CBFA2T2: variants seen among roughly 807,000 people sequenced by gnomAD.
CBFA2T2 encodes protein CBFA2T2.
Under a neutral mutation model 62.2 loss-of-function variants are expected in CBFA2T2, and 11 were observed. The ratio of observed to expected loss-of-function variants is 0.18; its 90% CI spans 0.11 to 0.29. CBFA2T2 has a LOEUF of 0.29. Ranked by LOEUF, CBFA2T2 falls within the 10% of genes least tolerant of loss-of-function variation. CBFA2T2 has a pLI of 1.00. For missense variants in CBFA2T2, 592 were observed against 774.1 expected (o/e 0.76, Z 2.79); for synonymous variants, 295 against 287.5 (o/e 1.03, Z -0.27).
intron 1 of CBFA2T2, among the ~76,000 whole-genome samples, chr20:33,499,956 ATTTATTT>A (rs1251930328): frequency 2.6e-5 from 4 of 152,010 alleles, no homozygotes; most frequent in African/African-American, 7.2e-5. Flanking sequence ...CCAAACACCC[ATTTATTT>A]TTTATTTTTT....
intron 1 of CBFA2T2, among the ~76,000 whole-genome samples, chr20:33,527,477 G>C (rs947292530): frequency 6.7e-6 from 1 of 149,328 alleles, no homozygotes; most frequent in Non-Finnish European, 1.5e-5. Flanking sequence ...GGTTCAAGCA[G>C]TTCTCCTGCC....
intron 3 of CBFA2T2, among the ~76,000 whole-genome samples, chr20:33,617,965 A>G (rs952326899): frequency 1.3e-5 from 2 of 152,200 alleles, no homozygotes; most frequent in Non-Finnish European, 2.9e-5. Context: ...CATTAAATAT[A>G]TGATATAATA....
intron 1 of CBFA2T2, among the ~76,000 whole-genome samples, chr20:33,561,033 A>G (rs1383381701): frequency 6.6e-6 from 1 of 152,052 alleles, no homozygotes; most frequent in Non-Finnish European, 1.5e-5. Context: ...GCGTACCAAC[A>G]CGCCCAGCTA....
intron 1 of CBFA2T2, among the ~76,000 whole-genome samples, chr20:33,602,647 C>T (rs1342399738): frequency 6.6e-6 from 1 of 151,994 alleles, no homozygotes; most frequent in African/African-American, 2.4e-5. Context: ...TACATACATT[C>T]CTTTTGGACT....
chr20:33,556,263 G>C (rs1206273689), intron 1 of CBFA2T2, among the ~76,000 whole-genome samples: 1 of 152,122 alleles, frequency 6.6e-6, no homozygotes, highest in Non-Finnish European at 1.5e-5. Context: ...TTTGAATACA[G>C]ACCAGTTGTT....
In CBFA2T2 at chr20:33,519,372, A is replaced by C. The variant is rs530569673; in HGVS notation, c.34+29071A>C. Among the ~76,000 whole-genome samples, 4 of 152,302 alleles carry C rather than the reference A, an allele frequency of 2.6e-5. No homozygotes were observed. In the East Asian group the frequency reaches 7.7e-4, roughly 29 times the overall value. ...GTAATTCCAGCTATTCAGGAGGCTG[A>C]GGCGGGAGAATCGCTTGAACCCGGG... is the stretch of plus-strand genomic sequence containing the variant. On this transcript the variant is annotated intron_variant, in intron 1 of 10. Transcript: ENST00000342704.
intron 1 of CBFA2T2, among the ~76,000 whole-genome samples, chr20:33,525,171 C>T (rs2011851657): frequency 6.7e-6 from 1 of 148,260 alleles, no homozygotes; most frequent in Non-Finnish European, 1.5e-5. Context: ...AGATATAATT[C>T]ACATACCCTA....
intron 1 of CBFA2T2, among the ~76,000 whole-genome samples, chr20:33,517,826 A>G (rs1230325154): frequency 6.6e-6 from 1 of 150,616 alleles, no homozygotes; most frequent in Non-Finnish European, 1.5e-5. Context: ...TTGTATTTCT[A>G]GTAGAGATGG....
intron 1 of CBFA2T2, among the ~76,000 whole-genome samples, chr20:33,522,185 C>T (rs2011747907): frequency 6.6e-6 from 1 of 152,082 alleles, no homozygotes; most frequent in African/African-American, 2.4e-5. Flanking sequence ...TTAATTACTT[C>T]ACAGGTGAGA....
intron 1 of CBFA2T2, among the ~76,000 whole-genome samples, chr20:33,601,357 C>T (rs1479405561): frequency 6.6e-6 from 1 of 152,132 alleles, no homozygotes; most frequent in Non-Finnish European, 1.5e-5. Context: ...CTCTGCCTCT[C>T]GTGTTCAAGC....
rs985621463 is a variant in CBFA2T2, at chr20:33,494,571, G to A, written c.34+4270G>A. 4.5e-3 allele frequency among the ~76,000 whole-genome samples: 640 copies of A among 141,062 alleles called. 4 individuals are homozygous for A. The highest frequency in any genetic ancestry group is 0.016 in the African/African-American group (591 of 37,706). The allele number at this position is 141,062 out of a possible 152,430, so 92.5% of individuals were successfully genotyped here. On this transcript the variant is annotated intron_variant, in intron 1 of 10. Transcript: ENST00000342704. Reference sequence around the variant, plus strand: ...GCTGGGATTACAGGCATGAGCCACCGCGCCCGGCCACTGTATTAGGTGTAT... The same window carrying A: ...GCTGGGATTACAGGCATGAGCCACCACGCCCGGCCACTGTATTAGGTGTAT...
chr20:33,625,073 A>T, intron 6 of CBFA2T2, 56 bp downstream of exon 6: 1 of 1,548,452 alleles, frequency 6.5e-7, no homozygotes, highest in Admixed American at 1.8e-5. Flanking sequence ...TTTCTTTCCA[A>T]CTCAATGATA....
chr20:33,622,698 G>A (rs1435428148), intron 4 of CBFA2T2, among the ~76,000 whole-genome samples: 2 of 152,224 alleles, frequency 1.3e-5, no homozygotes, highest in Non-Finnish European at 2.9e-5. Context: ...GGAAGGTTGA[G>A]TAGTGCTATC....
intron 1 of CBFA2T2, chr20:33,601,950 A>G (rs2015156690): frequency 6.6e-6 from 1 of 152,114 alleles, no homozygotes; most frequent in African/African-American, 2.4e-5. Context: ...GACCACAGGC[A>G]TGCGCCACCA....
intron 1 of CBFA2T2, among the ~76,000 whole-genome samples, chr20:33,580,974 A>G (rs934445286): frequency 6.6e-6 from 1 of 152,144 alleles, no homozygotes; most frequent in Non-Finnish European, 1.5e-5. Flanking sequence ...TAGCATGAGT[A>G]TTGGAATGAG....
chr20:33,632,986 C>T (rs1370556348), intron 8 of CBFA2T2, among the ~76,000 whole-genome samples: 2 of 151,736 alleles, frequency 1.3e-5, no homozygotes, highest in African/African-American at 4.8e-5. Context: ...CTCGAACTCC[C>T]AGCCTCAAGT....
chr20:33,627,532 G>A (rs1427135182), intron 6 of CBFA2T2, among the ~76,000 whole-genome samples: 1 of 152,104 alleles, frequency 6.6e-6, no homozygotes, highest in Admixed American at 6.5e-5. Flanking sequence ...AACTAGGTAT[G>A]GGGTCTCACT....
Position 33,623,235 on chromosome 20 carries a change from G to A in CBFA2T2, c.631G>A (p.Ala211Thr). 6.2e-7 allele frequency: 1 copy of A among 1,614,242 alleles called. No individual in the cohort carries two copies. The change falls in exon 5 of 11, where the codon GCT (alanine) becomes ACT (threonine). Residue 211 changes from alanine (A) to threonine (T), a missense_variant. Physicochemically the swap from Ala to Thr is moderately conservative, Grantham distance 58. Around this residue, in one of 3 missense-constraint regions of CBFA2T2, gnomAD observed 449 missense variants for 551.2 expected, o/e 0.81. Coordinates refer to ENST00000342704, the MANE Select transcript of CBFA2T2 (RefSeq NM_001032999.3). ...GCTCAACACAAGCATTGCATCGCCT[G>A]CTGACTCGTCAGAGTTGCTCATGGA... is the stretch of plus-strand genomic sequence containing the variant. ...LLLNTSIASP[A>T]DSSELLMEVH...
At chr20:33,618,529 G>A (rs1327934953) in intron 3 of CBFA2T2, 1 of 152,156 alleles carries the variant, frequency 6.6e-6, no homozygotes, top group Non-Finnish European at 1.5e-5. Context: ...AGAGAACAGT[G>A]ATAACTTACC....
Sources: gnomAD v4.1 joint callset for allele counts (sites outside exome capture counted in the v4.1 genomes callset) on GRCh38, gnomAD v4.1.1 for gene constraint, gnomAD v4.1.1 regional missense constraint, MANE v1.5 for transcripts, NCBI Gene and HGNC (gene_info 2026-07-23, HGNC 2026-07-21) for gene names.